Variants in PHACTR1 observed in about 807,000 individuals in gnomAD.
PHACTR1 encodes RPEL repeat containing 1.
A neutral mutation model predicts 69.2 loss-of-function variants in PHACTR1; 16 were observed. That is an observed-to-expected ratio of 0.23 (90% CI 0.16 to 0.35). The LOEUF is 0.35. PHACTR1 is among the 10% of genes least tolerant of loss of function. PHACTR1 has a pLI of 1.00. For synonymous variants in PHACTR1, 312 were observed against 284.5 expected (o/e 1.10, Z -0.97); for missense variants, 510 against 734.7 (o/e 0.69, Z 3.54).
intron 4 of PHACTR1, among the ~76,000 whole-genome samples, chr6:12,993,069 T>C (rs1797003143): frequency 6.6e-6 from 1 of 152,204 alleles, no homozygotes; most frequent in East Asian, 1.9e-4. Context: ...CCTTTTCATA[T>C]TGGCACAGCT....
intron 5 of PHACTR1, among the ~76,000 whole-genome samples, chr6:13,115,693 G>A (rs185491114): frequency 6.6e-6 from 1 of 152,266 alleles, no homozygotes; most frequent in East Asian, 1.9e-4. Flanking sequence ...GCGTTTCCAG[G>A]CTCCACGTAG....
At chr6:13,247,877 C>A (rs1773813499) in intron 10 of PHACTR1, among the ~76,000 whole-genome samples, 1 of 151,664 alleles carries the variant, frequency 6.6e-6, no homozygotes, top group Admixed American at 6.6e-5. Context: ...TAAAAAAAAA[C>A]AAAAATTTTA....
intron 10 of PHACTR1, among the ~76,000 whole-genome samples, chr6:13,249,264 CTG>C (rs1166595678): frequency 1.3e-5 from 2 of 152,112 alleles, no homozygotes; most frequent in East Asian, 3.9e-4. Context: ...ATTCTCAGAA[CTG>C]TGCATGTGAG....
intron 8 of PHACTR1, among the ~76,000 whole-genome samples, chr6:13,213,582 C>T (rs1335359172): frequency 6.6e-6 from 1 of 152,222 alleles, no homozygotes; most frequent in Non-Finnish European, 1.5e-5. Context: ...GGAGTTGAAA[C>T]TTAATGGCCA....
At chr6:13,007,109 A>G (rs1798884059) in intron 4 of PHACTR1, among the ~76,000 whole-genome samples, 1 of 152,046 alleles carries the variant, frequency 6.6e-6, no homozygotes, top group Non-Finnish European at 1.5e-5. Context: ...TTTAGGTCTG[A>G]CTCATTCTTT....
chr6:12,935,211 T>C (rs1270080347), intron 4 of PHACTR1, among the ~76,000 whole-genome samples: 2 of 152,136 alleles, frequency 1.3e-5, no homozygotes, highest in African/African-American at 2.4e-5. Context: ...GGACCAAAAG[T>C]ATGATGTAAC....
chr6:12,835,387 G>C (rs1778050722), intron 4 of PHACTR1, among the ~76,000 whole-genome samples: 1 of 152,094 alleles, frequency 6.6e-6, no homozygotes, highest in Non-Finnish European at 1.5e-5. Context: ...TAATCAAGGA[G>C]ACGACTGTTG....
intron 3 of PHACTR1, among the ~76,000 whole-genome samples, chr6:12,719,779 T>C (rs1472853463): frequency 6.6e-6 from 1 of 152,226 alleles, no homozygotes; most frequent in Admixed American, 6.5e-5. Context: ...CTGTCTGGGC[T>C]TTCCCAAGTG....
At chr6:13,206,663 C>T (rs1297581786) in intron 8 of PHACTR1, among the ~76,000 whole-genome samples, 6 of 152,114 alleles carry the variant, frequency 3.9e-5, no homozygotes, top group Non-Finnish European at 5.9e-5. Flanking sequence ...ATTCCAGTTC[C>T]GGGTGGTGGC....
At chr6:12,931,575 C>A (rs1562024023) in intron 4 of PHACTR1, among the ~76,000 whole-genome samples, 1 of 151,954 alleles carries the variant, frequency 6.6e-6, no homozygotes, top group Non-Finnish European at 1.5e-5. Context: ...ATAGCAAATA[C>A]ATTTTTTAAG....
chr6:12,885,690 G>C (rs2127461384), intron 4 of PHACTR1, among the ~76,000 whole-genome samples: 1 of 152,292 alleles, frequency 6.6e-6, no homozygotes, highest in South Asian at 2.1e-4. Flanking sequence ...AAAAAATACT[G>C]TTCTTTATTT....
At chr6:12,990,241 T>C (rs2127604773) in intron 4 of PHACTR1, among the ~76,000 whole-genome samples, 1 of 152,298 alleles carries the variant, frequency 6.6e-6, no homozygotes, top group East Asian at 1.9e-4. Flanking sequence ...TTTCTTCTTT[T>C]TGGGATACTC....
intron 4 of PHACTR1, among the ~76,000 whole-genome samples, chr6:12,811,618 C>A (rs1303891407): frequency 6.6e-6 from 1 of 152,132 alleles, no homozygotes; most frequent in East Asian, 1.9e-4. Flanking sequence ...CTATTCTTAT[C>A]TTGACCAAAT....
chr6:13,123,016 TG>T (rs1417135032), intron 5 of PHACTR1, among the ~76,000 whole-genome samples: 6 of 152,330 alleles, frequency 3.9e-5, no homozygotes, highest in Admixed American at 2.6e-4. Flanking sequence ...AAGATGAATT[TG>T]GAAGTAACAT....
At chr6:13,043,807 GA>G (rs1405925954) in intron 4 of PHACTR1, among the ~76,000 whole-genome samples, 1 of 151,906 alleles carries the variant, frequency 6.6e-6, no homozygotes, top group African/African-American at 2.4e-5. Flanking sequence ...GATTTAAGAT[GA>G]AAAAAGGGTC....
chr6:12,771,059 G>A lies in PHACTR1; in HGVS notation c.250+21269G>A, dbSNP rs1267348512. ...TGGAGAGGGAGCTGGACAAGGCAGG[G>A]CCCCAGAGGCTTTTGCTCCAAAAAG... On this transcript the variant is annotated intron_variant, in intron 4 of 14. Transcript: ENST00000332995. Among the ~76,000 whole-genome samples the A allele has an allele frequency of 2.6e-5, 4 of 152,194 alleles. No individual in the cohort carries two copies. In the East Asian group the frequency reaches 7.7e-4, roughly 29 times the overall value.
chr6:13,180,706 T>C (rs1267707798), intron 6 of PHACTR1, among the ~76,000 whole-genome samples: 1 of 152,208 alleles, frequency 6.6e-6, no homozygotes, highest in Non-Finnish European at 1.5e-5. Context: ...GCATCATTAT[T>C]CCACCAACTG....
intron 4 of PHACTR1, among the ~76,000 whole-genome samples, chr6:12,844,515 T>C (rs994336309): frequency 1.3e-5 from 2 of 152,196 alleles, no homozygotes; most frequent in African/African-American, 2.4e-5. Flanking sequence ...CCTTTTATGA[T>C]GTACTGGGCA....
intron 4 of PHACTR1, among the ~76,000 whole-genome samples, chr6:13,013,726 C>G (rs1799725357): frequency 6.6e-6 from 1 of 151,032 alleles, no homozygotes; most frequent in Admixed American, 6.6e-5. Flanking sequence ...TCGGCGAGGT[C>G]AAGACCCTTT....
Sources: allele counts gnomAD v4.1 joint callset (sites outside exome capture counted in the v4.1 genomes callset), GRCh38; gene constraint gnomAD v4.1.1; transcripts MANE v1.5; gene names NCBI Gene and HGNC (gene_info 2026-07-23, HGNC 2026-07-21).